ANHX: variants seen among roughly 807,000 people sequenced by gnomAD.
The protein encoded by ANHX is anomalous homeobox, also known as anomalous homeobox protein.
A neutral mutation model predicts 38.9 loss-of-function variants in ANHX; 20 were observed. That is an observed-to-expected ratio of 0.51 (90% CI 0.36 to 0.75). ANHX has a LOEUF of 0.75. Among genes scored for constraint, ANHX ranks in the 30% least tolerant of loss-of-function variants. The pLI, the probability that ANHX is intolerant of heterozygous loss-of-function variation, is 0.00. For missense variants in ANHX, 475 were observed against 493.1 expected (o/e 0.96, Z 0.35); for synonymous variants, 185 against 203.1 (o/e 0.91, Z 0.76).
intron 6 of ANHX, 94 bp downstream of exon 6, chr12:133,226,224 C>T: frequency 1.3e-6 from 2 of 1,524,222 alleles, no homozygotes; most frequent in South Asian, 2.4e-5. Context: ...GGGGTCCTGT[C>T]ACCCTTAGGC....
rs1029538221 is a variant in ANHX, at chr12:133,221,322, T to G, written c.1163A>C (p.Gln388Pro). The change falls in exon 8 of 10, where the codon CAG becomes CCG. Residue 388 changes from glutamine (Q) to proline (P), a missense_variant. Transcript: ENST00000545940. This position sits in a 1 kb window ranked among gnomAD's most constrained non-coding sequence, Gnocchi z 4.1. ...GFSGPPSGHP[Q>P]SVQLEEGLGT... ...CAGACCCTCCTCCAATTGCACGCTC[T>G]GGGGATGGCCGCTGGGGGGGCCAGA... is the stretch of plus-strand genomic sequence containing the variant. 3.3e-6 allele frequency: 5 copies of G among 1,535,828 alleles called. No individual in the cohort carries two copies. The Admixed American group carries it at 7.8e-5, about 24-fold the overall frequency.
At chr12:133,222,390 G>A (rs975965158) in intron 7 of ANHX, among the ~76,000 whole-genome samples, 4 of 152,120 alleles carry the variant, frequency 2.6e-5, no homozygotes, top group Non-Finnish European at 5.9e-5. Context: ...AGCTCGGGAG[G>A]GAGAGCATCC....
chr12:133,221,448 G>A lies in ANHX; in HGVS notation c.1133-96C>T. 1 of 1,396,048 alleles carries A rather than the reference G, an allele frequency of 7.2e-7. No homozygotes were observed. Among genetic ancestry groups the A allele is most frequent in the Non-Finnish European group, 9.5e-7 (1 of 1,054,918 alleles). 86.5% of individuals were successfully genotyped at this position (1,396,048 alleles called of 1,614,324 possible). On this transcript the variant is annotated intron_variant, in intron 7 of 9. Coordinates refer to ENST00000545940, the MANE Select transcript of ANHX (RefSeq NM_001372060.1). The surrounding 1 kb of genome is among the most constrained non-coding windows in gnomAD (Gnocchi z 4.1). ...ACCTCAAAGCACGGAGGCGGATGCA[G>A]CCTCCGGCCCAGCCAGCCCGCGCCA...
At position 133,218,598 on chromosome 12, in the gene ANHX, G is replaced by T; in HGVS notation, c.*287C>A. 3.8e-6 allele frequency: 1 copy of T among 262,336 alleles called. No individual in the cohort carries two copies. 16.3% of individuals were successfully genotyped at this position (262,336 alleles called of 1,614,324 possible). A position where few individuals can be genotyped will look rare whatever the true frequency, so the allele number is the denominator to read the frequency against. ...CTCTAGAATGGCCTTCTCTGCACGAGTGCCCCGGAGCCCGACTGATCCAGT... is the reference window on the plus strand; with the variant it reads ...CTCTAGAATGGCCTTCTCTGCACGATTGCCCCGGAGCCCGACTGATCCAGT... On this transcript the variant is annotated 3_prime_UTR_variant, in exon 10 of 10. Transcript: ENST00000545940.
At chr12:133,229,685 T>A (rs999218461) in intron 3 of ANHX, among the ~76,000 whole-genome samples, 7 of 152,134 alleles carry the variant, frequency 4.6e-5, no homozygotes, top group Non-Finnish European at 8.8e-5. Flanking sequence ...TGTATCTGCA[T>A]CTTCTGTGAC....
At chr12:133,224,369 T>C (rs1335826819) in intron 7 of ANHX, among the ~76,000 whole-genome samples, 1 of 152,128 alleles carries the variant, frequency 6.6e-6, no homozygotes, top group Non-Finnish European at 1.5e-5. Flanking sequence ...ATATTAAATA[T>C]AGGTAAATTT....
chr12:133,234,294 C>T lies in ANHX; in HGVS notation c.63G>A (p.Leu21=), dbSNP rs138587947. 3,344 of 1,536,162 alleles carry T rather than the reference C, an allele frequency of 2.2e-3. 47 individuals carry two copies. In the African/African-American group the frequency reaches 0.035, roughly 16 times the overall value. The change falls in exon 2 of 10, where the codon CTG becomes CTA. Residue 21 remains leucine (L), a synonymous_variant. Coordinates refer to ENST00000545940, the MANE Select transcript of ANHX (RefSeq NM_001372060.1). ...HEDTCAPPAE[L]VTLAGRLCRD... is the part of the protein sequence containing the mutation. The stretch of plus-strand genomic sequence containing the variant: ...GGCACAGTCTGCCCGCAAGGGTCAC[C>T]AGCTCCGCCGGGGGTGCACAGGTGT...
Position 133,234,293 on chromosome 12 carries a change from C to T in ANHX, c.64G>A (p.Val22Met), listed in dbSNP as rs1229207428. The T allele has an allele frequency of 6.5e-7, 1 of 1,536,166 alleles. No homozygotes were observed. Among genetic ancestry groups the T allele is most frequent in the East Asian group, 2.4e-5 (1 of 40,916 alleles). ...EDTCAPPAEL[V>M]TLAGRLCRDF... ...CGGCACAGTCTGCCCGCAAGGGTCA[C>T]CAGCTCCGCCGGGGGTGCACAGGTG... Residue 22 changes from valine to methionine, a missense_variant, in exon 2 of 10, where the codon GTG becomes ATG. By Grantham distance (21) the Val-to-Met change is conservative. Transcript: ENST00000545940.
Position 133,218,943 on chromosome 12 carries a change from C to G in ANHX, c.1394G>C (p.Gly465Ala). Residue 465 changes from glycine to alanine, a missense_variant, in exon 10 of 10, where the codon GGT (glycine) becomes GCT (alanine). Gly to Ala is a moderately conservative substitution (Grantham distance 60, BLOSUM62 0). Coordinates refer to ENST00000545940, the MANE Select transcript of ANHX (RefSeq NM_001372060.1). ...QVQCSDSQASGDAFWGARMLL... is the reference protein window; with the variant it reads ...QVQCSDSQASADAFWGARMLL... ...CATCCTGGCTCCCCAGAAGGCATCA[C>G]CAGAGGCCTGGCTATCAGAACACTG... 6.5e-7 allele frequency: 1 copy of G among 1,534,508 alleles called. No homozygotes were observed. Among genetic ancestry groups the G allele is most frequent in the Non-Finnish European group, 8.7e-7 (1 of 1,145,738 alleles).
rs1413135340 is a variant in ANHX at position 133,226,445 on chromosome 12, G to A, written c.719-7C>T. 1 of 1,532,082 alleles carries A rather than the reference G, an allele frequency of 6.5e-7. No homozygotes were observed. The highest frequency in any genetic ancestry group is 2.0e-5 in the Admixed American group (1 of 50,672). The allele number at this position is 1,532,082 out of a possible 1,614,324, so 94.9% of individuals were successfully genotyped here. ...CCCTTTTCCTCACGTTCCTCTGAAA[G>A]TGATGAGATGGGAGGGGAGACTTAG... On this transcript the variant is annotated splice_region_variant and splice_polypyrimidine_tract_variant and intron_variant, in intron 5 of 9. Transcript: ENST00000545940.
intron 1 of ANHX, 64 bp downstream of exon 1, chr12:133,235,743 C>CA (rs1957369759): frequency 8.8e-6 from 1 of 113,860 alleles, no homozygotes; most frequent in Non-Finnish European, 1.9e-5. Flanking sequence ...CCTCACATTC[C>CA]AGGCCCCCCC....
chr12:133,226,974 CG>C lies in ANHX; in HGVS notation c.679del (p.Arg227ValfsTer37). The C allele has an allele frequency of 6.5e-7, 1 of 1,533,090 alleles. No homozygotes were observed. The highest frequency in any genetic ancestry group is 8.7e-7 in the Non-Finnish European group (1 of 1,145,010). The allele number at this position is 1,533,090 out of a possible 1,614,324, so 95.0% of individuals were successfully genotyped here. On this transcript the variant is annotated frameshift_variant, in exon 5 of 10. Transcript: ENST00000545940. LOFTEE classifies it high-confidence loss of function. ...PDLLQPSGNP[R>X]VDSGFVDRPQ... ...CCTGTCCACAAACCCAGAGTCAACA[CG>C]GGGGTTGCCTGAGGGCTGCAGGAGG... is the stretch of plus-strand genomic sequence containing the variant.
At chr12:133,228,508 C>T (rs1225273750) in intron 3 of ANHX, among the ~76,000 whole-genome samples, 2 of 152,306 alleles carry the variant, frequency 1.3e-5, no homozygotes, top group South Asian at 2.1e-4. Context: ...CCTGCATGGC[C>T]ACGCCAGCTT....
intron 2 of ANHX, among the ~76,000 whole-genome samples, chr12:133,233,712 T>C (rs1957319716): frequency 6.6e-6 from 1 of 152,178 alleles, no homozygotes; most frequent in Admixed American, 6.5e-5. Flanking sequence ...AGAGATACTT[T>C]TGGTTTTCAG....
At chr12:133,225,032 C>T (rs1285222548) in intron 7 of ANHX, among the ~76,000 whole-genome samples, 2 of 151,934 alleles carry the variant, frequency 1.3e-5, no homozygotes, top group African/African-American at 4.8e-5. Flanking sequence ...CCAGTTTCCT[C>T]CTTACAAAGT....
At chr12:133,224,586 C>T (rs1329469677) in intron 7 of ANHX, among the ~76,000 whole-genome samples, 2 of 144,386 alleles carry the variant, frequency 1.4e-5, no homozygotes, top group African/African-American at 5.2e-5. Context: ...TCGCTTGAAC[C>T]TTGGAGGCAG....
Position 133,227,924 on chromosome 12 carries a change from C to A in ANHX, c.401G>T (p.Cys134Phe), listed in dbSNP as rs1178245097. ...GTTCCGGCTCTTCAGCCCCTCTGGG[C>A]AGAGGGAGGGGGGCGGGGGGTTCCT... ...RKRNPPPPSL[C>F]PEGLKSRNFP... Residue 134 changes from cysteine (C) to phenylalanine (F), a missense_variant, in exon 4 of 10, where the codon TGC (cysteine) becomes TTC (phenylalanine). Cys to Phe is a radical substitution (Grantham distance 205). Coordinates refer to ENST00000545940, the MANE Select transcript of ANHX (RefSeq NM_001372060.1). 3 of 1,498,992 alleles carry A rather than the reference C, an allele frequency of 2.0e-6. No homozygotes were observed. The highest frequency in any genetic ancestry group is 1.3e-5 in the South Asian group (1 of 79,772). The allele number at this position is 1,498,992 out of a possible 1,614,324, so 92.9% of individuals were successfully genotyped here.
At chr12:133,222,668 C>T (rs1957126694) in intron 7 of ANHX, among the ~76,000 whole-genome samples, 1 of 152,138 alleles carries the variant, frequency 6.6e-6, no homozygotes, top group South Asian at 2.1e-4. Context: ...CTGACAAGCC[C>T]TCTCCTGAGG....
chr12:133,227,137 C>T lies in ANHX; in HGVS notation c.517G>A (p.Glu173Lys). The T allele has an allele frequency of 6.5e-7, 1 of 1,535,086 alleles. No individual in the cohort carries two copies. Among genetic ancestry groups the T allele is most frequent in the Non-Finnish European group, 8.7e-7 (1 of 1,146,224 alleles). The change falls in exon 5 of 10, where the codon GAG becomes AAG. Residue 173 changes from glutamate (E) to lysine (K), a missense_variant. Glu to Lys is a moderately conservative substitution (Grantham distance 56). Coordinates refer to ENST00000545940, the MANE Select transcript of ANHX (RefSeq NM_001372060.1). ...SKAERENLAL[E>K]TSLTPEQVYN... ...ACCTGCTCAGGGGTCAAGCTCGTCTCCAATGCCAAGTTCTCCTGCCCCCAA... is the reference window on the plus strand; with the variant it reads ...ACCTGCTCAGGGGTCAAGCTCGTCTTCAATGCCAAGTTCTCCTGCCCCCAA...
Sources: gnomAD v4.1 joint callset for allele counts (sites outside exome capture counted in the v4.1 genomes callset) on GRCh38, gnomAD v4.1.1 for gene constraint, Gnocchi (gnomAD v3.1) non-coding constraint, MANE v1.5 for transcripts, NCBI Gene and HGNC (gene_info 2026-07-23, HGNC 2026-07-21) for gene names.